ZNF804A: variants seen among roughly 807,000 people sequenced by gnomAD.
ZNF804A encodes the protein zinc finger protein 804A.
In ZNF804A, 2 loss-of-function variants were observed where a neutral mutation model predicts 16.5. The observed-to-expected ratio is 0.12, with a 90% CI of 0.05 to 0.38. ZNF804A has a LOEUF of 0.38. Among genes scored for constraint, ZNF804A ranks in the 10% least tolerant of loss-of-function variants. ZNF804A has a pLI of 0.99. For missense variants in ZNF804A, 1,473 were observed against 1,390.7 expected, an observed-to-expected ratio of 1.06 and a Z score of -0.94; for synonymous variants, 534 against 489.6, an observed-to-expected ratio of 1.09 and a Z score of -1.20.
chr2:184,664,367 A>G (rs1183286365), intron 1 of ZNF804A, among the ~76,000 whole-genome samples: 1 of 152,134 alleles, frequency 6.6e-6, no homozygotes, highest in South Asian at 2.1e-4. Flanking sequence ...ATATTAAACA[A>G]GTGGCTTAAT....
At chr2:184,721,385 AAAC>A (rs1248214513) in intron 1 of ZNF804A, among the ~76,000 whole-genome samples, 1 of 152,174 alleles carries the variant, frequency 6.6e-6, no homozygotes, top group African/African-American at 2.4e-5. Flanking sequence ...CAATGAGCTG[AAAC>A]AACAGTAAAA....
chr2:184,612,529 C>T (rs2105672958), intron 1 of ZNF804A, among the ~76,000 whole-genome samples: 1 of 151,666 alleles, frequency 6.6e-6, no homozygotes, highest in Non-Finnish European at 1.5e-5. Flanking sequence ...ACCTCCGCCT[C>T]CCAGGTTCCA....
intron 2 of ZNF804A, among the ~76,000 whole-genome samples, chr2:184,924,374 A>G (rs185602152): frequency 1.3e-5 from 2 of 151,962 alleles, no homozygotes; most frequent in African/African-American, 4.8e-5. Flanking sequence ...AGTAGCCACT[A>G]ATAGTCTTTT....
At chr2:184,920,751 TAGTTGCTTGGAATGGCCTTGGC>T (rs1685516951) in intron 2 of ZNF804A, among the ~76,000 whole-genome samples, 1 of 152,204 alleles carries the variant, frequency 6.6e-6, no homozygotes, top group Non-Finnish European at 1.5e-5. Context: ...TGGCAGCCTC[TAGTTGCTTGGAATGGCCTTGGC>T]TGACAGCCAA....
At chr2:184,718,045 G>T (rs189352909) in intron 1 of ZNF804A, among the ~76,000 whole-genome samples, 3 of 152,222 alleles carry the variant, frequency 2.0e-5, no homozygotes, top group Admixed American at 6.5e-5. Context: ...ATATACCTGG[G>T]ACTGAGCAAT....
chr2:184,624,095 G>C (rs1691459381), intron 1 of ZNF804A, among the ~76,000 whole-genome samples: 1 of 152,102 alleles, frequency 6.6e-6, no homozygotes, highest in Admixed American at 6.6e-5. Context: ...AGTTAAAATA[G>C]TGCTGGCCCA....
At chr2:184,905,332 CTTTCTA>C (rs1480179954) in intron 2 of ZNF804A, among the ~76,000 whole-genome samples, 1 of 152,008 alleles carries the variant, frequency 6.6e-6, no homozygotes, top group African/African-American at 2.4e-5. Flanking sequence ...TTTTCCTTTC[CTTTCTA>C]TTTCTTTTTC....
chr2:184,667,665 G>A (rs769159368), intron 1 of ZNF804A, among the ~76,000 whole-genome samples: 46 of 151,798 alleles, frequency 3.0e-4, no homozygotes, highest in Middle Eastern at 6.8e-3. Context: ...AAATGTATAC[G>A]AATTAAGTTT....
intron 1 of ZNF804A, among the ~76,000 whole-genome samples, chr2:184,736,125 C>T (rs911385151): frequency 1.3e-5 from 2 of 152,040 alleles, no homozygotes; most frequent in Admixed American, 1.3e-4. Flanking sequence ...CTAACACATG[C>T]ACATGCCTCT....
At chr2:184,633,776 G>A (rs185082368) in intron 1 of ZNF804A, among the ~76,000 whole-genome samples, 267 of 152,222 alleles carry the variant, frequency 1.8e-3, no homozygotes, top group African/African-American at 5.8e-3. Flanking sequence ...TGTAAAAAAA[G>A]AGAATTATTC....
At chr2:184,620,731 A>AT (rs1691404381) in intron 1 of ZNF804A, among the ~76,000 whole-genome samples, 2 of 151,762 alleles carry the variant, frequency 1.3e-5, no homozygotes, top group South Asian at 4.1e-4. Context: ...AAAAATTGTA[A>AT]GTGAAATAGA....
At chr2:184,846,114 G>C (rs565095536) in intron 1 of ZNF804A, among the ~76,000 whole-genome samples, 1 of 152,224 alleles carries the variant, frequency 6.6e-6, no homozygotes, top group Admixed American at 6.6e-5. Flanking sequence ...TGTCAGAGCT[G>C]AAACCAGAGG....
intron 1 of ZNF804A, among the ~76,000 whole-genome samples, chr2:184,826,605 A>G (rs1695172203): frequency 6.6e-6 from 1 of 152,058 alleles, no homozygotes; most frequent in Non-Finnish European, 1.5e-5. Context: ...TTATTAATTG[A>G]CTTCACTCAA....
intron 1 of ZNF804A, among the ~76,000 whole-genome samples, chr2:184,649,555 C>T (rs1163379508): frequency 6.6e-6 from 1 of 151,690 alleles, no homozygotes; most frequent in East Asian, 1.9e-4. Flanking sequence ...CAGAGAAGAT[C>T]CAAATGAGCA....
intron 1 of ZNF804A, among the ~76,000 whole-genome samples, chr2:184,776,908 G>T (rs10176668): frequency 0.14 from 20,959 of 151,394 alleles, 1,562 homozygotes; most frequent in Middle Eastern, 0.23. Flanking sequence ...GTTGAAGTGT[G>T]GGACTCATTA....
chr2:184,792,481 G>C (rs1269416501), intron 1 of ZNF804A, among the ~76,000 whole-genome samples: 1 of 152,034 alleles, frequency 6.6e-6, no homozygotes, highest in South Asian at 2.1e-4. Context: ...TGCCTGTTCA[G>C]ATCTTTTGCC....
At chr2:184,935,433 A>C (rs1359886553) in intron 3 of ZNF804A, among the ~76,000 whole-genome samples, 1 of 152,180 alleles carries the variant, frequency 6.6e-6, no homozygotes, top group Non-Finnish European at 1.5e-5. Context: ...GTGTGAATCA[A>C]AAGTAATTTT....
intron 1 of ZNF804A, among the ~76,000 whole-genome samples, chr2:184,665,668 C>G (rs911566511): frequency 1.3e-5 from 2 of 152,140 alleles, no homozygotes; most frequent in Non-Finnish European, 2.9e-5. Flanking sequence ...GGGGAATAAG[C>G]CTCTTTCAAT....
intron 1 of ZNF804A, among the ~76,000 whole-genome samples, chr2:184,801,819 G>T (rs183465963): frequency 6.6e-6 from 1 of 152,192 alleles, no homozygotes; most frequent in Admixed American, 6.5e-5. Context: ...TCTTCAGAGT[G>T]TAGATTTTCT....
Sources: allele counts gnomAD v4.1 joint callset (sites outside exome capture counted in the v4.1 genomes callset), GRCh38; gene constraint gnomAD v4.1.1; transcripts MANE v1.5; gene names NCBI Gene and HGNC (gene_info 2026-07-23, HGNC 2026-07-21).